The following SPATS1 variants were observed in gnomAD, a reference collection of about 807,000 sequenced individuals.
SPATS1 encodes the protein spermatogenesis associated serine rich 1.
SPATS1 carries 23 observed loss-of-function variants against 33.6 expected under a neutral mutation model. That is an observed-to-expected ratio of 0.68 (90% confidence interval 0.49 to 0.97). SPATS1 has a LOEUF of 0.97. Ranked by LOEUF, SPATS1 falls within the 50% of genes least tolerant of loss-of-function variation. The probability of loss-of-function intolerance (pLI) is 0.00; values close to 1 mark genes in which losing one functional copy is unlikely to be tolerated. For missense variants in SPATS1, 327 were observed against 361.0 expected (o/e 0.91, Z 0.76); for synonymous variants, 131 against 125.6 (o/e 1.04, Z -0.29).
In SPATS1 at chr6:44,362,109, A is replaced by C; in HGVS notation, c.574+117A>C. The C allele has an allele frequency of 2.3e-5, 30 of 1,294,704 alleles. No individual in the cohort carries two copies. The South Asian group carries it at 4.0e-4, about 17-fold the overall frequency. The allele number at this position is 1,294,704 out of a possible 1,614,324, so 80.2% of individuals were successfully genotyped here. On this transcript the variant is annotated intron_variant, in intron 5 of 8. Transcript: ENST00000674044. ...CCCTGTAGAGTCACCATGTTCCCCT[A>C]GTGCAGCCAGGAAGACAGAAAAGTG...
intron 5 of SPATS1, among the ~76,000 whole-genome samples, chr6:44,362,360 T>G (rs1177190254): frequency 6.6e-6 from 1 of 152,240 alleles, no homozygotes; most frequent in African/African-American, 2.4e-5. Flanking sequence ...GTACTTTATA[T>G]TCTCCACAAG....
chr6:44,370,443 T>C (rs867489856), intron 7 of SPATS1, among the ~76,000 whole-genome samples: 1 of 152,124 alleles, frequency 6.6e-6, no homozygotes, highest in Non-Finnish European at 1.5e-5. Context: ...AAAAGACACA[T>C]ACTTAAATGA....
chr6:44,374,498 T>C (rs1287326128), intron 7 of SPATS1, among the ~76,000 whole-genome samples: 2 of 152,226 alleles, frequency 1.3e-5, no homozygotes, highest in Non-Finnish European at 1.5e-5. Context: ...CCATTCTTTT[T>C]GCCCATTCTT....
In SPATS1 at chr6:44,374,555, G is replaced by A. The variant is rs143077905; in HGVS notation, c.759-1803G>A. On this transcript the variant is annotated intron_variant, in intron 7 of 8. Transcript: ENST00000674044. ...TTTAGGGTAGAATTGGATTCTGCTC[G>A]TGAGCCAGCTTGAAAATATTTTCTT... 4.1e-4 allele frequency among the ~76,000 whole-genome samples: 63 copies of A among 152,280 alleles called. 1 individual carries two copies. Among genetic ancestry groups the A allele is most frequent in the Admixed American group, 3.7e-3 (56 of 15,306 alleles).
chr6:44,343,788 G>A (rs757518156), intron 2 of SPATS1, among the ~76,000 whole-genome samples: 2 of 152,164 alleles, frequency 1.3e-5, no homozygotes, highest in South Asian at 2.1e-4. Context: ...GTGTCATGGC[G>A]CTGAACAGCC....
At chr6:44,362,471 T>C (rs1390036316) in intron 5 of SPATS1, among the ~76,000 whole-genome samples, 1 of 152,236 alleles carries the variant, frequency 6.6e-6, no homozygotes, top group Non-Finnish European at 1.5e-5. Flanking sequence ...TGTGTATCTA[T>C]ATCTCCTTGG....
chr6:44,357,012 T>G lies in SPATS1; in HGVS notation c.288-3434T>G, dbSNP rs1788627809. ...TCCTTTCACAGCTTCCAGAGTTTTC[T>G]AACCACATGTGACCATGTCATGTCG... On this transcript the variant is annotated intron_variant, in intron 3 of 8. Transcript: ENST00000674044. Among the ~76,000 whole-genome samples the G allele has an allele frequency of 1.3e-5, 2 of 152,208 alleles. 1 individual carries two copies. Among genetic ancestry groups the G allele is most frequent in the South Asian group, 4.1e-4 (2 of 4,830 alleles).
intron 4 of SPATS1, 188 bp from the exon 5 acceptor site, chr6:44,361,643 C>T (rs1268671390): frequency 4.0e-6 from 3 of 746,196 alleles, no homozygotes; most frequent in Non-Finnish European, 4.9e-6. Flanking sequence ...TCTCCCCTGA[C>T]TTCCCTTCCT....
Position 44,377,050 on chromosome 6 carries a change from C to G in SPATS1, c.890C>G (p.Pro297Arg), listed in dbSNP as rs766027458. The change falls in exon 9 of 9, where the codon CCA becomes CGA. Residue 297 changes from proline to arginine, a missense_variant. By Grantham distance (103) the Pro-to-Arg change is moderately radical. Coordinates refer to ENST00000674044, the MANE Select transcript of SPATS1 (RefSeq NM_001372081.1). ...CTATCCACAGGTGCTTTGGACTTTC[C>G]AAGACAATCCTGAGCATAAACAGGC... ...MLHLSGALDF[P>R]RQS is the part of the protein sequence containing the mutation. The G allele has an allele frequency of 1.2e-6, 2 of 1,614,206 alleles. No individual in the cohort carries two copies. Among genetic ancestry groups the G allele is most frequent in the South Asian group, 2.2e-5 (2 of 91,082 alleles).
chr6:44,348,390 T>G (rs1788030681), intron 2 of SPATS1, among the ~76,000 whole-genome samples: 1 of 152,214 alleles, frequency 6.6e-6, no homozygotes, highest in Admixed American at 6.5e-5. Flanking sequence ...TAATCTTTAT[T>G]TCATTCATTT....
At chr6:44,360,391 C>G in intron 3 of SPATS1, 55 bp from the exon 4 acceptor site, 2 of 1,609,122 alleles carry the variant, frequency 1.2e-6, no homozygotes, top group Non-Finnish European at 8.5e-7. Context: ...TATGTGAGAT[C>G]AGGCTGTAAC....
chr6:44,356,329 C>T (rs1788586804), intron 3 of SPATS1, among the ~76,000 whole-genome samples: 1 of 152,212 alleles, frequency 6.6e-6, no homozygotes, highest in Non-Finnish European at 1.5e-5. Context: ...CCACTCAAGG[C>T]CCTGATCATC....
intron 5 of SPATS1, among the ~76,000 whole-genome samples, chr6:44,365,659 C>T (rs1789201222): frequency 6.6e-6 from 1 of 152,228 alleles, no homozygotes; most frequent in Non-Finnish European, 1.5e-5. Context: ...CATCTCTGCT[C>T]ACAATCTATC....
intron 4 of SPATS1, 87 bp downstream of exon 4, chr6:44,360,657 C>T: frequency 1.4e-6 from 2 of 1,459,476 alleles, no homozygotes; most frequent in Middle Eastern, 2.2e-4. Flanking sequence ...CATCGAAGGC[C>T]CACAACTGTC....
At chr6:44,373,108 T>C (rs1332005539) in intron 7 of SPATS1, among the ~76,000 whole-genome samples, 1 of 152,226 alleles carries the variant, frequency 6.6e-6, no homozygotes, top group Admixed American at 6.5e-5. Flanking sequence ...GCTGTGTAAA[T>C]TTCTTACTTT....
At chr6:44,357,132 C>T (rs1044555291) in intron 3 of SPATS1, among the ~76,000 whole-genome samples, 19 of 152,198 alleles carry the variant, frequency 1.2e-4, no homozygotes, top group African/African-American at 4.6e-4. Context: ...GTCTCCTTCT[C>T]TTCTCCACCT....
intron 2 of SPATS1, among the ~76,000 whole-genome samples, chr6:44,349,773 A>C (rs1473564): frequency 0.99 from 151,100 of 152,360 alleles, 74,941 homozygotes; most frequent in East Asian, 1. Flanking sequence ...TCATTAAGCA[A>C]CTCATGATTT....
chr6:44,380,130 C>T lies in SPATS1; in HGVS notation c.*3067C>T, dbSNP rs1236646139. ...GGTTGAACCTGTTAGATGTAAAGATCCCCTTCACCTCACTGTAGGGTCTTT... is the reference window on the plus strand; with the variant it reads ...GGTTGAACCTGTTAGATGTAAAGATTCCCTTCACCTCACTGTAGGGTCTTT... On this transcript the variant is annotated 3_prime_UTR_variant, in exon 9 of 9. Coordinates refer to ENST00000674044, the MANE Select transcript of SPATS1 (RefSeq NM_001372081.1). Among the ~76,000 whole-genome samples, 1 of 152,158 alleles carries T rather than the reference C, an allele frequency of 6.6e-6. No individual in the cohort carries two copies. The highest frequency in any genetic ancestry group is 1.5e-5 in the Non-Finnish European group (1 of 68,034).
intron 8 of SPATS1, among the ~76,000 whole-genome samples, chr6:44,376,822 A>G (rs551158952): frequency 6.6e-6 from 1 of 151,358 alleles, no homozygotes; most frequent in Non-Finnish European, 1.5e-5. Flanking sequence ...AACAAACAAA[A>G]CAAAACTGGA....
Sources: allele counts gnomAD v4.1 joint callset (sites outside exome capture counted in the v4.1 genomes callset), GRCh38; gene constraint gnomAD v4.1.1; transcripts MANE v1.5; gene names NCBI Gene and HGNC (gene_info 2026-07-23, HGNC 2026-07-21).